CDC14A: variants seen among roughly 807,000 people sequenced by gnomAD.
CDC14A encodes cell division cycle 14A.
CDC14A carries 53 observed loss-of-function variants against 74.4 expected under a neutral mutation model. The ratio of observed to expected loss-of-function variants is 0.71; its 90% CI spans 0.57 to 0.89. CDC14A has a LOEUF of 0.89. Ranked by LOEUF, CDC14A falls within the 40% of genes least tolerant of loss-of-function variation. The pLI is 0.00. For synonymous variants in CDC14A, 247 were observed against 258.4 expected (o/e 0.96, Z 0.43); for missense variants, 646 against 713.7 (o/e 0.91, Z 1.08).
At chr1:100,454,322 C>T (rs149857047) in intron 7 of CDC14A, among the ~76,000 whole-genome samples, 2 of 151,932 alleles carry the variant, frequency 1.3e-5, no homozygotes, top group East Asian at 3.9e-4. Flanking sequence ...TGCTTCCCTG[C>T]CCTGAGGATG....
At chr1:100,509,894 A>G (rs1649573718) in intron 15 of CDC14A, among the ~76,000 whole-genome samples, 1 of 152,206 alleles carries the variant, frequency 6.6e-6, no homozygotes, top group Admixed American at 6.5e-5. Flanking sequence ...GAAAATCATG[A>G]AGTCTCAATT....
intron 15 of CDC14A, among the ~76,000 whole-genome samples, chr1:100,504,057 G>T (rs2101460436): frequency 6.6e-6 from 1 of 152,242 alleles, no homozygotes; most frequent in Admixed American, 6.5e-5. Context: ...CTTTGTGAGG[G>T]CAGGGATGGT....
intron 4 of CDC14A, among the ~76,000 whole-genome samples, chr1:100,420,031 T>TACATATATATATACATATATACACACAC (rs1553180433): frequency 1.2e-5 from 1 of 82,880 alleles, no homozygotes; most frequent in Non-Finnish European, 2.6e-5. Flanking sequence ...TATACATATA[T>TACATATATATATACATATATACACACAC]ACACACACAC....
At chr1:100,378,578 G>A (rs1245255564) in intron 3 of CDC14A, among the ~76,000 whole-genome samples, 1 of 152,144 alleles carries the variant, frequency 6.6e-6, no homozygotes. Context: ...AGAATTTCCT[G>A]TAGAATATGT....
At position 100,489,545 on chromosome 1, in the gene CDC14A, ATGT is replaced by A. The variant is rs148770009; in HGVS notation, c.1137+5102_1137+5104del. On this transcript the variant is annotated intron_variant, in intron 11 of 15. Coordinates refer to ENST00000336454, the MANE Select transcript of CDC14A (RefSeq NM_003672.4). ...TGGTGGAATAAAATATTTATTCTTC[ATGT>A]TGTTGTTTGTTCTTTCACTAGGTCA... Among the ~76,000 whole-genome samples, 18 of 148,064 alleles carry A rather than the reference ATGT, an allele frequency of 1.2e-4. No homozygotes were observed. In the East Asian group the frequency reaches 3.2e-3, roughly 26 times the overall value.
intron 10 of CDC14A, among the ~76,000 whole-genome samples, chr1:100,480,556 T>C (rs940794535): frequency 3.3e-5 from 5 of 152,212 alleles, no homozygotes; most frequent in Non-Finnish European, 7.3e-5. Flanking sequence ...TGTTTATCTT[T>C]CTGAGGAACT....
intron 5 of CDC14A, among the ~76,000 whole-genome samples, chr1:100,426,733 C>T (rs1179976359): frequency 2.0e-5 from 3 of 152,056 alleles, no homozygotes; most frequent in East Asian, 1.9e-4. Flanking sequence ...TCTTTATGCA[C>T]GTATAAGTAA....
chr1:100,351,690 A>C, upstream of CDC14A: 1 of 1,491,006 alleles, frequency 6.7e-7, no homozygotes, highest in Non-Finnish European at 9.1e-7. Context: ...AGCACTGTAA[A>C]GATTAGGCAT....
chr1:100,456,488 C>A (rs1398149207), intron 8 of CDC14A, among the ~76,000 whole-genome samples: 1 of 149,342 alleles, frequency 6.7e-6, no homozygotes, highest in East Asian at 2.0e-4. Context: ...TCTGAGGGAA[C>A]CTAACTTGAA....
intron 10 of CDC14A, among the ~76,000 whole-genome samples, chr1:100,474,217 A>C (rs544585265): frequency 1.3e-5 from 2 of 152,180 alleles, no homozygotes; most frequent in South Asian, 2.1e-4. Context: ...ATGGTGTGTA[A>C]TTCTTTTTAT....
intron 5 of CDC14A, among the ~76,000 whole-genome samples, chr1:100,430,610 G>A (rs1292877669): frequency 1.3e-5 from 2 of 152,182 alleles, no homozygotes; most frequent in Non-Finnish European, 2.9e-5. Flanking sequence ...TTAGGACTTG[G>A]CATCAGGCTG....
intron 15 of CDC14A, among the ~76,000 whole-genome samples, chr1:100,501,991 C>A (rs1050034427): frequency 3.3e-5 from 5 of 152,064 alleles, no homozygotes; most frequent in African/African-American, 1.2e-4. Context: ...GTGTTAATTT[C>A]AAGTGATTGG....
intron 10 of CDC14A, among the ~76,000 whole-genome samples, chr1:100,482,768 C>A (rs963056472): frequency 2.2e-5 from 3 of 136,902 alleles, no homozygotes; most frequent in Admixed American, 7.3e-5. Context: ...TTCAACCTAT[C>A]TCTCTCTCTC....
chr1:100,508,119 T>G lies in CDC14A; in HGVS notation c.1755+8857T>G, dbSNP rs993754088. Among the ~76,000 whole-genome samples the G allele has an allele frequency of 6.6e-6, 1 of 152,180 alleles. No homozygotes were observed. The highest frequency in any genetic ancestry group is 2.4e-5 in the African/African-American group (1 of 41,448). On this transcript the variant is annotated intron_variant, in intron 15 of 15. Coordinates refer to ENST00000336454, the MANE Select transcript of CDC14A (RefSeq NM_003672.4). The surrounding 1 kb of genome is among the most constrained non-coding windows in gnomAD (Gnocchi z 4.4). ...TTATTTTCAATTCGTGAATTTTCTT[T>G]AATGTGTCCATTCTGGAGTATATCC... is the stretch of plus-strand genomic sequence containing the variant.
chr1:100,447,660 A>T (rs1665709470), intron 7 of CDC14A, among the ~76,000 whole-genome samples: 1 of 152,256 alleles, frequency 6.6e-6, no homozygotes. Flanking sequence ...AATGAAGATG[A>T]TAGAGCTTGA....
At chr1:100,446,573 A>G (rs952914763) in intron 7 of CDC14A, among the ~76,000 whole-genome samples, 4 of 152,258 alleles carry the variant, frequency 2.6e-5, no homozygotes, top group Non-Finnish European at 5.9e-5. Flanking sequence ...TGTTGTTTAC[A>G]TATTTAGTAA....
At chr1:100,506,241 T>G (rs910648755) in intron 15 of CDC14A, among the ~76,000 whole-genome samples, 1 of 152,220 alleles carries the variant, frequency 6.6e-6, no homozygotes, top group African/African-American at 2.4e-5. Context: ...GTACTAGCTT[T>G]CTATCCTCTT....
intron 2 of CDC14A, among the ~76,000 whole-genome samples, chr1:100,373,623 T>C (rs1210559186): frequency 1.3e-5 from 2 of 152,198 alleles, no homozygotes; most frequent in Non-Finnish European, 2.9e-5. Context: ...CTCTTCATTT[T>C]GGTTCTTTTG....
chr1:100,451,878 T>G (rs1417635700), intron 7 of CDC14A, among the ~76,000 whole-genome samples: 1 of 152,220 alleles, frequency 6.6e-6, no homozygotes, highest in East Asian at 1.9e-4. Flanking sequence ...GTTACTGTTA[T>G]TTGTCATTCC....
Sources: gnomAD v4.1 joint callset for allele counts (sites outside exome capture counted in the v4.1 genomes callset) on GRCh38, gnomAD v4.1.1 for gene constraint, Gnocchi (gnomAD v3.1) non-coding constraint, MANE v1.5 for transcripts, NCBI Gene and HGNC (gene_info 2026-07-23, HGNC 2026-07-21) for gene names.